The following TCHH variants were observed in gnomAD, a reference collection of about 807,000 sequenced individuals.
TCHH encodes the protein trichohyalin.
Under a neutral mutation model 6.3 loss-of-function variants are expected in TCHH, and 6 were observed. That is an observed-to-expected ratio of 0.95 (90% CI 0.52 to 1.88). TCHH has a LOEUF of 1.88. Ranked by LOEUF, TCHH falls within the 40% of genes most tolerant of loss-of-function variation. The pLI is 0.01. For synonymous variants in TCHH, 1,087 were observed against 963.6 expected, an observed-to-expected ratio of 1.13 and a Z score of -2.37; for missense variants, 2,920 against 2,449.1, an observed-to-expected ratio of 1.19 and a Z score of -4.06.
At position 152,109,233 on chromosome 1, in the gene TCHH, CTT is replaced by C. The variant is rs1557809536; in HGVS notation, c.3982_3983del (p.Lys1328GlufsTer31). The C allele has an allele frequency of 6.2e-7, 1 of 1,614,114 alleles. No homozygotes were observed. Among genetic ancestry groups the C allele is most frequent in the Non-Finnish European group, 8.5e-7 (1 of 1,179,938 alleles). On this transcript the variant is annotated frameshift_variant, in exon 3 of 3. Coordinates refer to ENST00000614923, the MANE Select transcript of TCHH (RefSeq NM_007113.4). LOFTEE classifies it low-confidence loss of function (END_TRUNC). ...KQLLREEREE[K>X]RRRQETDRKF... ...TTCTGTCTGTCTCTTGACGGCGTCT[CTT>C]CTCTTCTCTTTCCTCTCTCAGCAAC...
rs569051606 is a variant in TCHH at position 152,109,350 on chromosome 1, G to C, written c.3867C>G (p.Arg1289=). 11 of 1,614,140 alleles carry C rather than the reference G, an allele frequency of 6.8e-6. 1 individual carries two copies. The South Asian group carries it at 8.8e-5, about 13-fold the overall frequency. ...GTTCTTCCTCTGGGAAATGCCTGTC[G>C]CGCTGCTGCCAGCGCCTCCTCTCTT... ...REQERRRWQQ[R]DRHFPEEEQL... The change falls in exon 3 of 3, where the codon CGC becomes CGG. Residue 1289 remains arginine (R), a synonymous_variant. Coordinates refer to ENST00000614923, the MANE Select transcript of TCHH (RefSeq NM_007113.4).
chr1:152,111,064 T>C lies in TCHH; in HGVS notation c.2153A>G (p.Lys718Arg). The change falls in exon 3 of 3, where the codon AAA becomes AGA. Residue 718 changes from lysine to arginine, a missense_variant. Lys to Arg is a conservative substitution (Grantham distance 26, BLOSUM62 2). Coordinates refer to ENST00000614923, the MANE Select transcript of TCHH (RefSeq NM_007113.4). ...LESEADARQS[K>R]VYSRPRKQEG... ...CTGCTTGCGGGGCCTCGAGTAGACT[T>C]TGCTTTGCCGTGCGTCGGCCTCGCT... The C allele has an allele frequency of 6.2e-7, 1 of 1,613,564 alleles. No individual in the cohort carries two copies. Among genetic ancestry groups the C allele is most frequent in the South Asian group, 1.1e-5 (1 of 91,076 alleles).
In TCHH at chr1:152,111,443, G is replaced by C. The variant is rs376120438; in HGVS notation, c.1774C>G (p.Arg592Gly). 98 of 1,606,110 alleles carry C rather than the reference G, an allele frequency of 6.1e-5. No homozygotes were observed. The African/African-American group carries it at 1.3e-3, about 21-fold the overall frequency. The change falls in exon 3 of 3, where the codon CGC becomes GGC. Residue 592 changes from arginine to glycine, a missense_variant. Transcript: ENST00000614923. ...TGCTCGAGCCTCTCTTCCTGCTCGC[G>C]CTTCAGCCGCTGCTGGCGCCTCTCC... Reference protein sequence around the residue: ...EEERRQQRLKREQEERLEQRL... With the variant: ...EEERRQQRLKGEQEERLEQRL...
chr1:152,110,734 TC>T lies in TCHH; in HGVS notation c.2482del (p.Glu828ArgfsTer51). ...EQRRRQRRER[E>X]KELQFLEEEE... The stretch of plus-strand genomic sequence containing the variant: ...TTCCTCCAGGAACTGCAGCTCTTTC[TC>T]CCTCTCGCGTCGCTGGCGGCGCCGC... On this transcript the variant is annotated frameshift_variant, in exon 3 of 3. Transcript: ENST00000614923. LOFTEE classifies it low-confidence loss of function (END_TRUNC). 6.2e-7 allele frequency: 1 copy of T among 1,610,222 alleles called. No individual in the cohort carries two copies. Among genetic ancestry groups the T allele is most frequent in the Non-Finnish European group, 8.5e-7 (1 of 1,179,946 alleles).
Position 152,113,934 on chromosome 1 carries a change from A to C in TCHH, c.138+9T>G. The C allele has an allele frequency of 6.2e-7, 1 of 1,607,020 alleles. No individual in the cohort carries two copies. The highest frequency in any genetic ancestry group is 2.2e-5 in the East Asian group (1 of 44,828). ...AGTCAATAGATCTCATTTTCTTGTT[A>C]GTTCTTACCCGAAGCACAGCTCCAA... On this transcript the variant is annotated intron_variant, in intron 2 of 2. Coordinates refer to ENST00000614923, the MANE Select transcript of TCHH (RefSeq NM_007113.4).
In TCHH at chr1:152,110,177, G is replaced by A; in HGVS notation, c.3040C>T (p.Gln1014Ter). The change falls in exon 3 of 3, where the codon CAG (glutamine) becomes TAG (stop). Residue 1014 changes from glutamine to a stop codon, truncating the protein, a stop_gained. Coordinates refer to ENST00000614923, the MANE Select transcript of TCHH (RefSeq NM_007113.4). LOFTEE classifies it low-confidence loss of function (END_TRUNC). Reference sequence around the variant, plus strand: ...TTGCGGTACTGCCTCTCCCACTCCTGGCGCCTTCTCTTCTCCCGTTCCTCT... The same window carrying A: ...TTGCGGTACTGCCTCTCCCACTCCTAGCGCCTTCTCTTCTCCCGTTCCTCT... ...LREEREKRRR[Q>*]EWERQYRKKD... is the part of the protein sequence containing the mutation. The A allele has an allele frequency of 6.2e-7, 1 of 1,606,836 alleles. No homozygotes were observed. The highest frequency in any genetic ancestry group is 8.5e-7 in the Non-Finnish European group (1 of 1,177,648).
Position 152,107,303 on chromosome 1 carries a change from C to G in TCHH, c.*82G>C, listed in dbSNP as rs1418967417. On this transcript the variant is annotated 3_prime_UTR_variant, in exon 3 of 3. Transcript: ENST00000614923. Reference sequence around the variant, plus strand: ...AGAGTTTTCCCACAACCAGAAACATCTGAGTTATCACTTGGTACCCAGTGT... The same window carrying G: ...AGAGTTTTCCCACAACCAGAAACATGTGAGTTATCACTTGGTACCCAGTGT... The G allele has an allele frequency of 1.5e-6, 2 of 1,347,072 alleles. No individual in the cohort carries two copies. Among genetic ancestry groups the G allele is most frequent in the African/African-American group, 2.9e-5 (2 of 68,528 alleles). The allele number at this position is 1,347,072 out of a possible 1,614,324, so 83.4% of individuals were successfully genotyped here.
chr1:152,107,777 G>A lies in TCHH; in HGVS notation c.5440C>T (p.Pro1814Ser), dbSNP rs1386569785. The change falls in exon 3 of 3, where the codon CCC becomes TCC. Residue 1814 changes from proline to serine, a missense_variant. Transcript: ENST00000614923. ...RQEREEQQLR[P>S]QQRDGKYRWE... ...CGATACTTTCCGTCACGCTGTTGGG[G>A]GCGCAGCTGCTGTTCTTCCCTCTCC... 6.2e-7 allele frequency: 1 copy of A among 1,614,214 alleles called. No individual in the cohort carries two copies. Among genetic ancestry groups the A allele is most frequent in the Non-Finnish European group, 8.5e-7 (1 of 1,180,050 alleles).
At position 152,107,361 on chromosome 1, in the gene TCHH, G is replaced by A. The variant is rs940459280; in HGVS notation, c.*24C>T. 8.6e-6 allele frequency: 13 copies of A among 1,519,274 alleles called. No homozygotes were observed. The highest frequency in any genetic ancestry group is 2.7e-5 in the South Asian group (2 of 74,144). The allele number at this position is 1,519,274 out of a possible 1,614,324, so 94.1% of individuals were successfully genotyped here. ...TTTCCCGTGCTCGAAGCTTTGGCAG[G>A]TGTCAAGATATTGGCAACATCACTT... On this transcript the variant is annotated 3_prime_UTR_variant, in exon 3 of 3. Coordinates refer to ENST00000614923, the MANE Select transcript of TCHH (RefSeq NM_007113.4).
chr1:152,111,763 C>A lies in TCHH; in HGVS notation c.1454G>T (p.Arg485Leu). The A allele has an allele frequency of 6.6e-7, 1 of 1,506,456 alleles. No individual in the cohort carries two copies. The allele number at this position is 1,506,456 out of a possible 1,614,324, so 93.3% of individuals were successfully genotyped here. ...CTCCTCGAGCTTCAGCCAACGTTCG[C>A]GCCTCTCCTCCTCCTGGTCGCGCTT... The part of the protein sequence containing the change: ...QLKRDQEEER[R>L]ERWLKLEEEE... The change falls in exon 3 of 3, where the codon CGC (arginine) becomes CTC (leucine). Residue 485 changes from arginine to leucine, a missense_variant. Coordinates refer to ENST00000614923, the MANE Select transcript of TCHH (RefSeq NM_007113.4).
rs570255654 is a variant in TCHH at position 152,107,779 on chromosome 1, C to T, written c.5438G>A (p.Arg1813His). Residue 1813 changes from arginine to histidine, a missense_variant, in exon 3 of 3, where the codon CGC becomes CAC. Physicochemically the swap from Arg to His is conservative, Grantham distance 29 (BLOSUM62 0). Transcript: ENST00000614923. Reference sequence around the variant, plus strand: ...ATACTTTCCGTCACGCTGTTGGGGGCGCAGCTGCTGTTCTTCCCTCTCCTG... The same window carrying T: ...ATACTTTCCGTCACGCTGTTGGGGGTGCAGCTGCTGTTCTTCCCTCTCCTG... ...LRQEREEQQL[R>H]PQQRDGKYRW... The T allele has an allele frequency of 4.3e-5, 69 of 1,614,150 alleles. 1 individual carries two copies. In the South Asian group the frequency reaches 6.7e-4, roughly 16 times the overall value.
In TCHH at chr1:152,113,038, A is replaced by G; in HGVS notation, c.179T>C (p.Leu60Pro). The G allele has an allele frequency of 6.8e-6, 11 of 1,613,864 alleles. No homozygotes were observed. Among genetic ancestry groups the G allele is most frequent in the Non-Finnish European group, 7.6e-6 (9 of 1,179,892 alleles). Residue 60 changes from leucine (L) to proline (P), a missense_variant, in exon 3 of 3, where the codon CTT (leucine) becomes CCT (proline). Transcript: ENST00000614923. ...DPKTVDLILE[L>P]LDLDSNGRVD... ...ACGCCCATTACTGTCAAGATCCAGA[A>G]GTTCCAGGATCAGATCTACCGTCTT... is the stretch of plus-strand genomic sequence containing the variant.
Position 152,110,036 on chromosome 1 carries a change from C to T in TCHH, c.3181G>A (p.Glu1061Lys), listed in dbSNP as rs1658271421. Residue 1061 changes from glutamate (E) to lysine (K), a missense_variant, in exon 3 of 3, where the codon GAG becomes AAG. Transcript: ENST00000614923. ...REEEELQQEE[E>K]QLLGEERETR... The stretch of plus-strand genomic sequence containing the variant: ...TCCCGTTCCTCTCCCAGCAGCTGCT[C>T]TTCCTCCTGCTGCAGCTCCTCTTCC... 1.9e-6 allele frequency: 3 copies of T among 1,608,262 alleles called. No homozygotes were observed. The African/African-American group carries it at 4.0e-5, about 22-fold the overall frequency.
At position 152,111,059 on chromosome 1, in the gene TCHH, A is replaced by G; in HGVS notation, c.2158T>C (p.Tyr720His). ...SEADARQSKV[Y>H]SRPRKQEGQR... ...CCTTCCTGCTTGCGGGGCCTCGAGT[A>G]GACTTTGCTTTGCCGTGCGTCGGCC... is the stretch of plus-strand genomic sequence containing the variant. Residue 720 changes from tyrosine (Y) to histidine (H), a missense_variant, in exon 3 of 3, where the codon TAC becomes CAC. Physicochemically the swap from Tyr to His is moderately conservative, Grantham distance 83. Transcript: ENST00000614923. 1 of 1,613,394 alleles carries G rather than the reference A, an allele frequency of 6.2e-7. No individual in the cohort carries two copies.
In TCHH at chr1:152,115,413, C is replaced by T. The variant is rs940604925; in HGVS notation, c.-54G>A. 2 of 152,226 alleles carry T rather than the reference C, an allele frequency of 1.3e-5. No homozygotes were observed. Among genetic ancestry groups the T allele is most frequent in the African/African-American group, 4.8e-5 (2 of 41,452 alleles). 9.4% of individuals were successfully genotyped at this position (152,226 alleles called of 1,614,324 possible). ...TACCCACTTCACCAGAGGAAGAAGT[C>T]GACAGTGCTTGCTGACACCACAGGC... is the stretch of plus-strand genomic sequence containing the variant. On this transcript the variant is annotated 5_prime_UTR_variant, in exon 1 of 3. Transcript: ENST00000614923.
At position 152,112,145 on chromosome 1, in the gene TCHH, C is replaced by T. The variant is rs1557812790; in HGVS notation, c.1072G>A (p.Glu358Lys). The change falls in exon 3 of 3, where the codon GAG becomes AAG. Residue 358 changes from glutamate to lysine, a missense_variant. Transcript: ENST00000614923. ...EQQLRREQEEERREQQLRREQ... is the reference protein window; with the variant it reads ...EQQLRREQEEKRREQQLRREQ... ...CGCCTCAGCTGCTGCTCGCGCCTCT[C>T]CTCCTCCTGCTCGCGCCTCAGCTGC... 2 of 1,460,330 alleles carry T rather than the reference C, an allele frequency of 1.4e-6. No homozygotes were observed. The highest frequency in any genetic ancestry group is 1.1e-5 in the South Asian group (1 of 88,020). The allele number at this position is 1,460,330 out of a possible 1,614,324, so 90.5% of individuals were successfully genotyped here.
Position 152,109,011 on chromosome 1 carries a change from C to A in TCHH, c.4206G>T (p.Gln1402His). 1 of 1,611,642 alleles carries A rather than the reference C, an allele frequency of 6.2e-7. No homozygotes were observed. The highest frequency in any genetic ancestry group is 1.1e-5 in the South Asian group (1 of 90,906). ...FLKEEQQLRCQEREQQLRQDR... is the reference protein window; with the variant it reads ...FLKEEQQLRCHEREQQLRQDR... ...CCTGACGCAGCTGTTGCTCGCGCTC[C>A]TGGCAGCGCAGCTGCTGTTCCTCCT... is the stretch of plus-strand genomic sequence containing the variant. The change falls in exon 3 of 3, where the codon CAG becomes CAT. Residue 1402 changes from glutamine (Q) to histidine (H), a missense_variant. Physicochemically the swap from Gln to His is conservative, Grantham distance 24 (BLOSUM62 0). Coordinates refer to ENST00000614923, the MANE Select transcript of TCHH (RefSeq NM_007113.4).
Position 152,111,597 on chromosome 1 carries a change from G to A in TCHH, c.1620C>T (p.Arg540=), listed in dbSNP as rs751550788. Residue 540 remains arginine (R), a synonymous_variant, in exon 3 of 3, where the codon CGC becomes CGT. Coordinates refer to ENST00000614923, the MANE Select transcript of TCHH (RefSeq NM_007113.4). ...GCTGCTCGCGCCTCTCCTCCTGCTCGCGTCTTAGTTGTTGCTCGCTCCTCA... is the reference window on the plus strand; with the variant it reads ...GCTGCTCGCGCCTCTCCTCCTGCTCACGTCTTAGTTGTTGCTCGCTCCTCA... ...QRLRSEQQLR[R]EQEERREQLL... is the part of the protein sequence containing the mutation. 5 of 1,572,540 alleles carry A rather than the reference G, an allele frequency of 3.2e-6. No individual in the cohort carries two copies. Among genetic ancestry groups the A allele is most frequent in the Non-Finnish European group, 4.3e-6 (5 of 1,162,334 alleles).
Position 152,111,236 on chromosome 1 carries a change from G to C in TCHH, c.1981C>G (p.Arg661Gly), listed in dbSNP as rs769665520. Reference protein sequence around the residue: ...QQERREQRLKREEEEERLEQR... With the variant: ...QQERREQRLKGEEEEERLEQR... The stretch of plus-strand genomic sequence containing the variant: ...TCGAGCCTCTCTTCCTCCTCCTCGC[G>C]CTTCAGCCGCTGCTCGCGCCTTTCC... The change falls in exon 3 of 3, where the codon CGC (arginine) becomes GGC (glycine). Residue 661 changes from arginine (R) to glycine (G), a missense_variant. Physicochemically the swap from Arg to Gly is moderately radical, Grantham distance 125. Coordinates refer to ENST00000614923, the MANE Select transcript of TCHH (RefSeq NM_007113.4). The C allele has an allele frequency of 3.8e-6, 6 of 1,598,554 alleles. No individual in the cohort carries two copies. In the Admixed American group the frequency reaches 8.5e-5, roughly 23 times the overall value.
Sources: gnomAD v4.1 joint callset for allele counts on GRCh38, gnomAD v4.1.1 for gene constraint, MANE v1.5 for transcripts, NCBI Gene and HGNC (gene_info 2026-07-23, HGNC 2026-07-21) for gene names.